The following DNAH9 variants were observed in gnomAD, a reference collection of about 807,000 sequenced individuals.
DNAH9 encodes the protein dynein axonemal heavy chain 9, also known as DNAH9 variant protein.
Under a neutral mutation model 471.6 loss-of-function variants are expected in DNAH9, and 345 were observed. The observed-to-expected ratio is 0.73, with a 90% CI of 0.67 to 0.80. DNAH9 has a LOEUF of 0.80. DNAH9 is among the 30% of genes least tolerant of loss of function. The probability of loss-of-function intolerance (pLI) is 0.00; values close to 1 mark genes in which losing one functional copy is unlikely to be tolerated. For missense variants in DNAH9, 5,407 were observed against 5,609.2 expected, an observed-to-expected ratio of 0.96 and a Z score of 1.15; for synonymous variants, 2,093 against 2,123.6, an observed-to-expected ratio of 0.99 and a Z score of 0.40.
chr17:11,737,073 A>G (rs1416765296), intron 28 of DNAH9, among the ~76,000 whole-genome samples: 1 of 152,232 alleles, frequency 6.6e-6, no homozygotes, highest in East Asian at 1.9e-4. Flanking sequence ...GCCCCACGCA[A>G]ACCAGCAGAG....
intron 45 of DNAH9, among the ~76,000 whole-genome samples, chr17:11,820,195 T>C (rs1970258557): frequency 6.6e-6 from 1 of 152,220 alleles, no homozygotes; most frequent in African/African-American, 2.4e-5. Flanking sequence ...TCAATTAATG[T>C]ACTAAATTAT....
chr17:11,659,656 C>T (rs1484241582), intron 14 of DNAH9, among the ~76,000 whole-genome samples: 2 of 152,232 alleles, frequency 1.3e-5, no homozygotes, highest in African/African-American at 2.4e-5. Flanking sequence ...GCTAAACCGT[C>T]ACAGCTACGC....
At chr17:11,938,730 C>A (rs977201182) in intron 66 of DNAH9, among the ~76,000 whole-genome samples, 1 of 152,126 alleles carries the variant, frequency 6.6e-6, no homozygotes, top group East Asian at 1.9e-4. Flanking sequence ...TCCTGAGTAG[C>A]TAGGACTGCA....
chr17:11,667,909 T>C (rs2073901429), intron 15 of DNAH9, among the ~76,000 whole-genome samples: 1 of 152,194 alleles, frequency 6.6e-6, no homozygotes, highest in Admixed American at 6.5e-5. Flanking sequence ...CAGTTATTAC[T>C]CTATTTCAAG....
chr17:11,727,761 A>G (rs904406223), intron 27 of DNAH9, 57 bp from the exon 28 acceptor site: 15 of 1,176,040 alleles, frequency 1.3e-5, no homozygotes, highest in East Asian at 2.3e-5. Flanking sequence ...AATGGCTTCA[A>G]CATGTATTGA....
intron 27 of DNAH9, among the ~76,000 whole-genome samples, chr17:11,723,677 T>A (rs1486631391): frequency 6.6e-6 from 1 of 150,830 alleles, no homozygotes; most frequent in Non-Finnish European, 1.5e-5. Flanking sequence ...TTTTTTTTTC[T>A]TTTTTTTTGA....
At chr17:11,895,443 A>C (rs75201200) in intron 59 of DNAH9, among the ~76,000 whole-genome samples, 3,193 of 152,322 alleles carry the variant, frequency 0.021, 112 homozygotes, top group African/African-American at 0.073. Flanking sequence ...ATAAGAGTAA[A>C]GTAATATGAT....
At chr17:11,963,834 A>G (rs1348959116) in intron 68 of DNAH9, among the ~76,000 whole-genome samples, 1 of 152,198 alleles carries the variant, frequency 6.6e-6, no homozygotes, top group Non-Finnish European at 1.5e-5. Flanking sequence ...AATTACCTCA[A>G]AAAAACAAAA....
chr17:11,894,335 C>T lies in DNAH9; in HGVS notation c.11284-39C>T, dbSNP rs1310520221. 3 of 1,606,918 alleles carry T rather than the reference C, an allele frequency of 1.9e-6. No homozygotes were observed. The South Asian group carries it at 3.3e-5, about 18-fold the overall frequency. On this transcript the variant is annotated intron_variant, in intron 58 of 68. Transcript: ENST00000262442. ...CCTAAGATTTCTAGGACTCTGGCTA[C>T]AAGCTAAAGAAATGCAGTATCATTT... is the stretch of plus-strand genomic sequence containing the variant.
At chr17:11,890,717 A>G (rs1973021465) in intron 57 of DNAH9, among the ~76,000 whole-genome samples, 1 of 151,770 alleles carries the variant, frequency 6.6e-6, no homozygotes, top group Admixed American at 6.6e-5. Flanking sequence ...TTTGTTTCTT[A>G]GGTTATTTTG....
At chr17:11,881,638 G>A (rs571198254) in intron 55 of DNAH9, among the ~76,000 whole-genome samples, 1 of 152,220 alleles carries the variant, frequency 6.6e-6, no homozygotes, top group Non-Finnish European at 1.5e-5. Context: ...GCCGGGCATG[G>A]TGGCTCATGC....
Position 11,783,716 on chromosome 17 carries a change from G to A in DNAH9, c.7789G>A (p.Ala2597Thr). ...VQYVSCMNPT[A>T]GSFTINPRLQ... The stretch of plus-strand genomic sequence containing the variant: ...GTATGTTTCCTGTATGAACCCCACG[G>A]CAGGCAGCTTCACCATCAACCCCCG... The change falls in exon 40 of 69, where the codon GCA (alanine) becomes ACA (threonine). Residue 2597 changes from alanine to threonine, a missense_variant. By Grantham distance (58) the Ala-to-Thr change is moderately conservative (BLOSUM62 0). Coordinates refer to ENST00000262442, the MANE Select transcript of DNAH9 (RefSeq NM_001372.4). 6.2e-7 allele frequency: 1 copy of A among 1,614,070 alleles called. No individual in the cohort carries two copies. Among genetic ancestry groups the A allele is most frequent in the Non-Finnish European group, 8.5e-7 (1 of 1,179,996 alleles).
chr17:11,697,663 A>C (rs1230409385), intron 22 of DNAH9, among the ~76,000 whole-genome samples: 1 of 152,132 alleles, frequency 6.6e-6, no homozygotes, highest in Non-Finnish European at 1.5e-5. Flanking sequence ...ATACTTCCGT[A>C]AGCTGAGATT....
At chr17:11,743,008 C>A (rs1210775711) in intron 30 of DNAH9, among the ~76,000 whole-genome samples, 1 of 152,180 alleles carries the variant, frequency 6.6e-6, no homozygotes, top group Non-Finnish European at 1.5e-5. Flanking sequence ...TTGACTTCCA[C>A]TTTTACGGCT....
At chr17:11,694,558 C>A in intron 22 of DNAH9, 111 bp downstream of exon 22, 1 of 1,178,004 alleles carries the variant, frequency 8.5e-7, no homozygotes, top group South Asian at 1.4e-5. Context: ...TTCTGTACTT[C>A]AGACCTGTCT....
rs542716566 is a variant in DNAH9, at chr17:11,941,270, G to A, written c.12661-1033G>A. On this transcript the variant is annotated intron_variant, in intron 66 of 68. Transcript: ENST00000262442. ...CAGACAAAAACAGATATCCACCACA[G>A]GCACCTAGAGCTCAGCTCTCAGGAC... 8.1e-4 allele frequency among the ~76,000 whole-genome samples: 124 copies of A among 152,244 alleles called. 1 individual carries two copies. Among genetic ancestry groups the A allele is most frequent in the African/African-American group, 2.6e-3 (110 of 41,520 alleles).
intron 30 of DNAH9, 63 bp downstream of exon 30, chr17:11,742,376 T>C (rs1242021785): frequency 1.4e-5 from 21 of 1,543,426 alleles, no homozygotes; most frequent in Non-Finnish European, 1.9e-5. Flanking sequence ...CTGGAAAAGT[T>C]CTGGAACAAA....
At chr17:11,821,788 T>C in intron 45 of DNAH9, 132 bp from the exon 46 acceptor site, 1 of 963,314 alleles carries the variant, frequency 1.0e-6, no homozygotes, top group Non-Finnish European at 1.5e-6. Context: ...CTGTCCAGCT[T>C]CACCAGCAAG....
rs552531254 is a variant in DNAH9 at position 11,636,721 on chromosome 17, A to T, written c.1723A>T (p.Asn575Tyr). 3.1e-6 allele frequency: 5 copies of T among 1,613,776 alleles called. No homozygotes were observed. In the South Asian group the frequency reaches 4.4e-5, roughly 14 times the overall value. Residue 575 changes from asparagine (N) to tyrosine (Y), a missense_variant, in exon 9 of 69, where the codon AAC becomes TAC. Asn to Tyr is a moderately radical substitution (Grantham distance 143). Transcript: ENST00000262442. ...ATACCTGGTCCTCATCCAAATGTTC[A>T]ACAAAGATCTGGATGCAGTGAGGAT... ...DKYLVLIQMF[N>Y]KDLDAVRMIY...
Sources: allele counts gnomAD v4.1 joint callset (sites outside exome capture counted in the v4.1 genomes callset), GRCh38; gene constraint gnomAD v4.1.1; transcripts MANE v1.5; gene names NCBI Gene and HGNC (gene_info 2026-07-23, HGNC 2026-07-21).